Variants in CNTN6 observed in about 807,000 individuals in gnomAD.
The protein encoded by CNTN6 is contactin 6, also known as contactin-6.
Under a neutral mutation model 122.8 loss-of-function variants are expected in CNTN6, and 137 were observed. The ratio of observed to expected loss-of-function variants is 1.12; its 90% CI spans 0.97 to 1.29. The LOEUF (loss-of-function observed/expected upper bound fraction) is 1.29, where lower values mean the gene tolerates loss of function less well. Ranked by LOEUF, CNTN6 falls within the 50% of genes most tolerant of loss-of-function variation. CNTN6 has a pLI of 0.00. For missense variants in CNTN6, 1,634 were observed against 1,223.4 expected, an observed-to-expected ratio of 1.34 and a Z score of -5.01; for synonymous variants, 570 against 426.0, an observed-to-expected ratio of 1.34 and a Z score of -4.16.
intron 5 of CNTN6, among the ~76,000 whole-genome samples, chr3:1,294,500 G>A (rs899240289): frequency 1.3e-5 from 2 of 152,122 alleles, no homozygotes; most frequent in African/African-American, 4.8e-5. Context: ...GGGGAAGGAT[G>A]GTTACAGGGG....
At chr3:1,264,890 T>C (rs1306352903) in intron 4 of CNTN6, among the ~76,000 whole-genome samples, 2 of 152,216 alleles carry the variant, frequency 1.3e-5, no homozygotes, top group African/African-American at 4.8e-5. Context: ...CAGCCTCTGG[T>C]AACCACCATT....
Position 1,382,932 on chromosome 3 carries a change from TCTG to T in CNTN6, c.2167-8_2167-6del, listed in dbSNP as rs1188411918. The stretch of plus-strand genomic sequence containing the variant: ...GCAAATACTCAGTGATTGATCACAT[TCTG>T]CCCAAGTCAATTCCAGAAGAACTGC... On this transcript the variant is annotated splice_region_variant and splice_polypyrimidine_tract_variant and intron_variant, in intron 17 of 22. Transcript: ENST00000446702. 1 of 1,599,510 alleles carries T rather than the reference TCTG, an allele frequency of 6.3e-7. No individual in the cohort carries two copies. Among genetic ancestry groups the T allele is most frequent in the Non-Finnish European group, 8.6e-7 (1 of 1,167,182 alleles).
intron 11 of CNTN6, among the ~76,000 whole-genome samples, chr3:1,334,037 T>G (rs1702696089): frequency 6.6e-6 from 1 of 152,140 alleles, no homozygotes; most frequent in Non-Finnish European, 1.5e-5. Context: ...AATTGAAGTC[T>G]TGGCTGTTTT....
At chr3:1,173,404 A>T in intron 2 of CNTN6, 1 of 391,908 alleles carries the variant, frequency 2.6e-6, no homozygotes, top group Non-Finnish European at 5.1e-6. Flanking sequence ...CTTTACGTGA[A>T]TTATTTCATT....
intron 2 of CNTN6, among the ~76,000 whole-genome samples, chr3:1,164,850 C>G (rs1039365368): frequency 7.2e-5 from 11 of 152,134 alleles, no homozygotes; most frequent in African/African-American, 2.7e-4. Flanking sequence ...ACCTAGGGAG[C>G]ATGTTAATTC....
At chr3:1,364,582 CCTTG>C (rs1707946710) in intron 12 of CNTN6, among the ~76,000 whole-genome samples, 1 of 151,694 alleles carries the variant, frequency 6.6e-6, no homozygotes, top group South Asian at 2.1e-4. Flanking sequence ...ACTGCCATCC[CCTTG>C]CTTCTAAAAA....
intron 2 of CNTN6, among the ~76,000 whole-genome samples, chr3:1,198,106 C>T (rs2093804895): frequency 6.6e-6 from 1 of 152,180 alleles, no homozygotes. Flanking sequence ...ATGAAGTGAA[C>T]TTCATTCTAT....
intron 4 of CNTN6, among the ~76,000 whole-genome samples, chr3:1,234,401 A>C (rs1006703074): frequency 3.3e-5 from 5 of 152,190 alleles, no homozygotes; most frequent in Admixed American, 3.3e-4. Flanking sequence ...TATAAGCAAG[A>C]ACAAAAACCC....
intron 1 of CNTN6, among the ~76,000 whole-genome samples, chr3:1,134,675 G>GA (rs2092426606): frequency 6.6e-6 from 1 of 151,122 alleles, no homozygotes; most frequent in Non-Finnish European, 1.5e-5. Context: ...CCTGAGTTTT[G>GA]TTTTTTTTGT....
rs370989478 is a variant in CNTN6 at position 1,307,615 on chromosome 3, C to T, written c.761+9624C>T. On this transcript the variant is annotated intron_variant, in intron 7 of 22. Transcript: ENST00000446702. ...TATTTGGTATTTATGCCCTTCTATT[C>T]CAAGATTCCATCCAGAATACCATAT... Among the ~76,000 whole-genome samples the T allele has an allele frequency of 1.1e-4, 16 of 152,190 alleles. No homozygotes were observed. The East Asian group carries it at 2.7e-3, about 26-fold the overall frequency.
chr3:1,323,744 A>G (rs543960027), intron 8 of CNTN6, among the ~76,000 whole-genome samples: 29 of 151,906 alleles, frequency 1.9e-4, no homozygotes, highest in African/African-American at 6.5e-4. Flanking sequence ...TAACCAGTCA[A>G]TATGGCAGAA....
intron 1 of CNTN6, among the ~76,000 whole-genome samples, chr3:1,100,638 G>T (rs550807467): frequency 1.3e-5 from 2 of 151,860 alleles, no homozygotes; most frequent in African/African-American, 4.8e-5. Context: ...TTATTTCTAG[G>T]CTTCTGTCTT....
In CNTN6 at chr3:1,321,782, T is replaced by G; in HGVS notation, c.894T>G (p.Ile298Met). ...AAGATGAAGGCTTTTATGAGTGCATTGCAAGCAACCTTCGAGGAAGAAACC... is the reference window on the plus strand; with the variant it reads ...AAGATGAAGGCTTTTATGAGTGCATGGCAAGCAACCTTCGAGGAAGAAACC... ...QQEDEGFYEC[I>M]ASNLRGRNLA... is the part of the protein sequence containing the mutation. Residue 298 changes from isoleucine to methionine, a missense_variant, in exon 8 of 23, where the codon ATT becomes ATG. Physicochemically the swap from Ile to Met is conservative, Grantham distance 10. Transcript: ENST00000446702. 1 of 1,611,502 alleles carries G rather than the reference T, an allele frequency of 6.2e-7. No homozygotes were observed.
chr3:1,127,428 A>G (rs901733625), intron 1 of CNTN6, among the ~76,000 whole-genome samples: 5 of 151,950 alleles, frequency 3.3e-5, no homozygotes, highest in Admixed American at 3.3e-4. Context: ...GTTTAAAGTT[A>G]CCTAGTCAAA....
chr3:1,312,799 T>C lies in CNTN6; in HGVS notation c.762-8851T>C, dbSNP rs190277881. Among the ~76,000 whole-genome samples the C allele has an allele frequency of 1.9e-3, 280 of 150,526 alleles. 1 individual carries two copies. The highest frequency in any genetic ancestry group is 3.1e-3 in the Admixed American group (47 of 15,132). Reference sequence around the variant, plus strand: ...GCTCCATGTCTGTGGAAAGACAGACTTTGGTTCAAATCCTTTTTTTTTTTT... The same window carrying C: ...GCTCCATGTCTGTGGAAAGACAGACCTTGGTTCAAATCCTTTTTTTTTTTT... On this transcript the variant is annotated intron_variant, in intron 7 of 22. Coordinates refer to ENST00000446702, the MANE Select transcript of CNTN6 (RefSeq NM_001289080.2).
intron 20 of CNTN6, among the ~76,000 whole-genome samples, chr3:1,388,102 C>T (rs28883886): frequency 4.6e-5 from 7 of 151,956 alleles, no homozygotes; most frequent in South Asian, 2.1e-4. Context: ...CTCCACCTCT[C>T]GGGGCAGGGC....
At chr3:1,324,709 T>C (rs3772298) in intron 8 of CNTN6, among the ~76,000 whole-genome samples, 39,366 of 149,020 alleles carry the variant, frequency 0.26, 6,684 homozygotes, top group East Asian at 0.52. Context: ...TTGACTTTTT[T>C]TTCCTTCCCG....
chr3:1,113,799 A>G (rs1191219734), intron 1 of CNTN6, among the ~76,000 whole-genome samples: 1 of 152,186 alleles, frequency 6.6e-6, no homozygotes, highest in Non-Finnish European at 1.5e-5. Context: ...TGCAGACACA[A>G]TTCATGAATA....
intron 1 of CNTN6, among the ~76,000 whole-genome samples, chr3:1,097,295 A>G (rs1191779358): frequency 2.0e-5 from 3 of 152,244 alleles, no homozygotes; most frequent in Non-Finnish European, 2.9e-5. Context: ...TCATAGTAAC[A>G]TGAATCAAAA....
Sources: gnomAD v4.1 joint callset for allele counts (sites outside exome capture counted in the v4.1 genomes callset) on GRCh38, gnomAD v4.1.1 for gene constraint, MANE v1.5 for transcripts, NCBI Gene and HGNC (gene_info 2026-07-23, HGNC 2026-07-21) for gene names.